The following PCDHGA2 variants were observed in gnomAD, a reference collection of about 807,000 sequenced individuals.
PCDHGA2 encodes the protein protocadherin gamma subfamily A, 2, also known as protocadherin gamma-A2.
A neutral mutation model predicts 59.2 loss-of-function variants in PCDHGA2; 40 were observed. The observed-to-expected ratio is 0.68, with a 90% CI of 0.52 to 0.88. The LOEUF is 0.88. Ranked by LOEUF, PCDHGA2 falls within the 40% of genes least tolerant of loss-of-function variation. The pLI is 0.00. For missense variants in PCDHGA2, 1,226 were observed against 1,204.0 expected, an observed-to-expected ratio of 1.02 and a Z score of -0.27; for synonymous variants, 560 against 526.0, an observed-to-expected ratio of 1.06 and a Z score of -0.89.
rs773899530 is a variant in PCDHGA2 at position 141,494,864 on chromosome 5, G to A, written c.2482G>A (p.Gly828Ser). 1.6e-5 allele frequency: 26 copies of A among 1,613,950 alleles called. No individual in the cohort carries two copies. The Admixed American group carries it at 3.5e-4, about 22-fold the overall frequency. Reference protein sequence around the residue: ...FSQAQRPGTSGSQNGDDTGTW... With the variant: ...FSQAQRPGTSSSQNGDDTGTW... ...TCAGGCCCAGAGACCCGGCACCAGC[G>A]GGTAGGTGACTGATTCTCCAGCCCA... Residue 828 changes from glycine to serine, a missense_variant and splice_region_variant, in exon 2 of 4, where the codon GGC (glycine) becomes AGC (serine). Gly to Ser is a moderately conservative substitution (Grantham distance 56, BLOSUM62 0). Coordinates refer to ENST00000394576, the MANE Select transcript of PCDHGA2 (RefSeq NM_018915.4).
intron 1 of PCDHGA2, among the ~76,000 whole-genome samples, chr5:141,446,322 C>A (rs1561922470): frequency 2.0e-5 from 3 of 151,968 alleles, no homozygotes; most frequent in South Asian, 4.1e-4. Flanking sequence ...TGGGTTTCCA[C>A]ATTAAGGAAC....
chr5:141,358,686 G>T (rs896155075), intron 1 of PCDHGA2, among the ~76,000 whole-genome samples: 1 of 152,120 alleles, frequency 6.6e-6, no homozygotes, highest in Non-Finnish European at 1.5e-5. Flanking sequence ...TGCTTATCAT[G>T]ACATCACTAT....
chr5:141,404,800 C>G (rs369141362), intron 1 of PCDHGA2: 3 of 1,613,970 alleles, frequency 1.9e-6, no homozygotes, highest in Middle Eastern at 1.6e-4. Context: ...AGCCAGGGCT[C>G]TTCTCGGTGG....
intron 1 of PCDHGA2, chr5:141,484,911 T>G (rs2154580253): frequency 9.3e-6 from 4 of 432,018 alleles, no homozygotes; most frequent in South Asian, 3.3e-5. Context: ...CTGCGACGCA[T>G]TAACCCTGCT....
At chr5:141,345,885 T>A (rs948895515) in intron 1 of PCDHGA2, 1 of 1,613,382 alleles carries the variant, frequency 6.2e-7, no homozygotes, top group Admixed American at 1.7e-5. Flanking sequence ...GGGACTCTTC[T>A]CGGTGGGTCT....
rs748873655 is a variant in PCDHGA2 at position 141,410,002 on chromosome 5, C to A, written c.2424+68607C>A. The A allele has an allele frequency of 1.1e-5, 18 of 1,613,250 alleles. No individual in the cohort carries two copies. Among genetic ancestry groups the A allele is most frequent in the Middle Eastern group, 1.7e-4 (1 of 6,056 alleles). On this transcript the variant is annotated intron_variant, in intron 1 of 3. Coordinates refer to ENST00000394576, the MANE Select transcript of PCDHGA2 (RefSeq NM_018915.4). ...TAGCGGTGGACGCCGACTCGGGACA[C>A]AACGCCTGGCTGTCCTACCACGTGC...
intron 1 of PCDHGA2, among the ~76,000 whole-genome samples, chr5:141,481,782 T>C (rs1348977678): frequency 6.6e-6 from 1 of 152,008 alleles, no homozygotes; most frequent in African/African-American, 2.4e-5. Context: ...TGAAACCCCG[T>C]CTCTACTAAA....
intron 1 of PCDHGA2, chr5:141,375,574 G>A: frequency 6.2e-7 from 1 of 1,614,058 alleles, no homozygotes; most frequent in African/African-American, 1.3e-5. Context: ...ACACCCTCCA[G>A]GGGGCGCCCC....
intron 1 of PCDHGA2, chr5:141,355,435 C>G: frequency 6.2e-7 from 1 of 1,614,106 alleles, no homozygotes; most frequent in South Asian, 1.1e-5. Context: ...CGCCCTGAAC[C>G]CGCGCAGCGG....
chr5:141,390,137 T>C lies in PCDHGA2; in HGVS notation c.2424+48742T>C, dbSNP rs373308909. The stretch of plus-strand genomic sequence containing the variant: ...AGGGGACTTTGCCTTATTCCTACAA[T>C]CTATGTGTTGCACATACAGGAAAGA... On this transcript the variant is annotated intron_variant, in intron 1 of 3. Coordinates refer to ENST00000394576, the MANE Select transcript of PCDHGA2 (RefSeq NM_018915.4). 3.1e-4 allele frequency: 506 copies of C among 1,614,052 alleles called. 2 individuals carry two copies. The African/African-American group carries it at 6.2e-3, about 20-fold the overall frequency.
chr5:141,413,385 A>C, intron 1 of PCDHGA2: 1 of 1,613,990 alleles, frequency 6.2e-7, no homozygotes, highest in South Asian at 1.1e-5. Flanking sequence ...GAGTCCGCAT[A>C]GTCTCCAGAG....
intron 1 of PCDHGA2, chr5:141,365,046 C>G (rs753242901): frequency 6.2e-7 from 1 of 1,613,884 alleles, no homozygotes; most frequent in South Asian, 1.1e-5. Flanking sequence ...AACGACAATG[C>G]GCCCCTGTTC....
chr5:141,365,603 A>G (rs1198770505), intron 1 of PCDHGA2: 5 of 1,613,602 alleles, frequency 3.1e-6, no homozygotes, highest in Non-Finnish European at 3.4e-6. Context: ...TTTAACCGTC[A>G]TGGACCATGG....
chr5:141,433,222 A>G, intron 1 of PCDHGA2: 6 of 1,519,556 alleles, frequency 3.9e-6, no homozygotes, highest in Non-Finnish European at 5.4e-6. Flanking sequence ...TTTTTTTTTA[A>G]TTGCTCTGTC....
chr5:141,359,987 G>A (rs1225240319), intron 1 of PCDHGA2: 1 of 925,904 alleles, frequency 1.1e-6, no homozygotes, highest in Admixed American at 3.4e-5. Context: ...TCTTAGAGGG[G>A]AACTTCCTGC....
intron 1 of PCDHGA2, chr5:141,344,064 A>G (rs370996766): frequency 1.3e-6 from 2 of 1,573,822 alleles, no homozygotes; most frequent in Non-Finnish European, 1.7e-6. Flanking sequence ...CCGAAATGGC[A>G]GAGGACTGGC....
At position 141,487,610 on chromosome 5, in the gene PCDHGA2, C is replaced by A; in HGVS notation, c.2425-7197C>A. On this transcript the variant is annotated intron_variant, in intron 1 of 3. Transcript: ENST00000394576. The surrounding 1 kb of genome is among the most constrained non-coding windows in gnomAD (Gnocchi z 5.0). ...CCCACCCTCTGATCTTCTCTATGGG[C>A]TAGAGGTGAGACCTTTGCAGGCTCA... The A allele has an allele frequency of 6.2e-7, 1 of 1,614,190 alleles. No homozygotes were observed. The highest frequency in any genetic ancestry group is 1.1e-5 in the South Asian group (1 of 91,078).
At chr5:141,344,529 T>C (rs1396704157) in intron 1 of PCDHGA2, 2 of 1,613,890 alleles carry the variant, frequency 1.2e-6, no homozygotes, top group Admixed American at 1.7e-5. Context: ...AGGCATTAAC[T>C]CCCTGCAGAA....
At chr5:141,413,195 G>A (rs771456948) in intron 1 of PCDHGA2, 2 of 1,610,846 alleles carry the variant, frequency 1.2e-6, no homozygotes, top group Admixed American at 1.7e-5. Context: ...CAAAGGAATC[G>A]CTCAAAGGAA....
Sources: allele counts gnomAD v4.1 joint callset (sites outside exome capture counted in the v4.1 genomes callset), GRCh38; gene constraint gnomAD v4.1.1; non-coding constraint Gnocchi (gnomAD v3.1); transcripts MANE v1.5; gene names NCBI Gene and HGNC (gene_info 2026-07-23, HGNC 2026-07-21).